NEIL3: variants seen among roughly 807,000 people sequenced by gnomAD.
The protein encoded by NEIL3 is endonuclease 8-like 3.
NEIL3 carries 48 observed loss-of-function variants against 57.5 expected under a neutral mutation model. The ratio of observed to expected loss-of-function variants is 0.83; its 90% CI spans 0.66 to 1.06. The LOEUF is 1.06. NEIL3 is among the 50% of genes least tolerant of loss of function. The pLI is 0.00. For missense variants in NEIL3, 717 were observed against 739.1 expected (o/e 0.97, Z 0.35); for synonymous variants, 261 against 253.2 (o/e 1.03, Z -0.29).
At chr4:177,337,095 A>C (rs77930164) in intron 4 of NEIL3, among the ~76,000 whole-genome samples, 3 of 135,084 alleles carry the variant, frequency 2.2e-5, no homozygotes, top group African/African-American at 8.0e-5. Context: ...ATATGTTGCA[A>C]AAAAAAAAAA....
downstream of NEIL3, among the ~76,000 whole-genome samples, chr4:177,366,146 T>TA (rs1388688018): frequency 6.6e-6 from 1 of 152,204 alleles, no homozygotes; most frequent in East Asian, 1.9e-4. Context: ...TAAAGGAATA[T>TA]AAAATTTTTT....
At chr4:177,367,608 A>G (rs1310372994), downstream of NEIL3, among the ~76,000 whole-genome samples, 3 of 152,204 alleles carry the variant, frequency 2.0e-5, no homozygotes, top group Non-Finnish European at 4.4e-5. Flanking sequence ...CAGAGCTGTC[A>G]GATTTCAGAG....
intron 7 of NEIL3, among the ~76,000 whole-genome samples, chr4:177,352,500 T>G (rs377320762): frequency 6.6e-6 from 1 of 152,116 alleles, no homozygotes; most frequent in African/African-American, 2.4e-5. Context: ...GATTCCAAAA[T>G]CCTAGGATAC....
chr4:177,352,779 G>A (rs9992350), intron 7 of NEIL3, among the ~76,000 whole-genome samples: 55,819 of 151,306 alleles, frequency 0.37, 11,204 homozygotes, highest in Middle Eastern at 0.59. Context: ...GCAGTGAGCC[G>A]AGATCGCGCC....
chr4:177,354,113 A>G (rs1024263873), intron 8 of NEIL3: 2 of 175,212 alleles, frequency 1.1e-5, no homozygotes, highest in African/African-American at 4.8e-5. Flanking sequence ...TTGGTAAGGA[A>G]GTTGAATTAC....
chr4:177,340,969 A>G (rs997958250), intron 5 of NEIL3, among the ~76,000 whole-genome samples: 4 of 152,168 alleles, frequency 2.6e-5, no homozygotes, highest in Non-Finnish European at 5.9e-5. Context: ...CTCTAAGGTT[A>G]AAAAGGAAAA....
At chr4:177,369,117 G>T in the NEIL3 span, among the ~76,000 whole-genome samples, 2 of 152,178 alleles carry the variant, frequency 1.3e-5, no homozygotes, top group Non-Finnish European at 2.9e-5. Flanking sequence ...ATACATAAAT[G>T]AGGAAGAAAT....
At chr4:177,341,428 A>C in intron 5 of NEIL3, 48 bp from the exon 6 acceptor site, 1 of 1,491,564 alleles carries the variant, frequency 6.7e-7, no homozygotes, top group Non-Finnish European at 8.9e-7. Context: ...GCTCCTTGGC[A>C]GCACTGTTTT....
In NEIL3 at chr4:177,353,393, A is replaced by T. The variant is rs202220300; in HGVS notation, c.1125A>T (p.Thr375=). The change falls in exon 8 of 10, where the codon ACA becomes ACT. Residue 375 remains threonine, a synonymous_variant. Transcript: ENST00000264596. ...GTAATACTTTTGGAAAACCTCATACAGAAGTCAAGATCAACAGAAAAACTG... is the reference window on the plus strand; with the variant it reads ...GTAATACTTTTGGAAAACCTCATACTGAAGTCAAGATCAACAGAAAAACTG... ...YPCNTFGKPH[T]EVKINRKTAF... 3.1e-6 allele frequency: 5 copies of T among 1,613,884 alleles called. No homozygotes were observed. The highest frequency in any genetic ancestry group is 3.4e-6 in the Non-Finnish European group (4 of 1,179,816).
intron 1 of NEIL3, among the ~76,000 whole-genome samples, chr4:177,310,609 C>G (rs997728743): frequency 6.6e-6 from 1 of 152,340 alleles, no homozygotes; most frequent in African/African-American, 2.4e-5. Flanking sequence ...ACTTCTCACT[C>G]AACTTCATAT....
At chr4:177,366,902 T>C (rs1735699622), downstream of NEIL3, among the ~76,000 whole-genome samples, 1 of 152,224 alleles carries the variant, frequency 6.6e-6, no homozygotes, top group South Asian at 2.1e-4. Context: ...TCACTGAATC[T>C]TTTCCGTCAT....
intron 2 of NEIL3, among the ~76,000 whole-genome samples, chr4:177,334,763 G>C (rs1003404101): frequency 6.6e-6 from 1 of 152,184 alleles, no homozygotes; most frequent in Admixed American, 6.5e-5. Context: ...TCCGCAATTA[G>C]AAGCACAGAG....
chr4:177,351,405 A>G lies in NEIL3; in HGVS notation c.895A>G (p.Ile299Val). Residue 299 changes from isoleucine (I) to valine (V), a missense_variant, in exon 7 of 10, where the codon ATC becomes GTC. By Grantham distance (29) the Ile-to-Val change is conservative (BLOSUM62 3). Transcript: ENST00000264596. ...CAAGCTACCGACTAGAAATACTATA[A>G]TCAGTTGGACATCTAGCAGGGTGGA... is the stretch of plus-strand genomic sequence containing the variant. ...ICKLPTRNTIISWTSSRVDHV... is the reference protein window; with the variant it reads ...ICKLPTRNTIVSWTSSRVDHV... 2 of 1,611,976 alleles carry G rather than the reference A, an allele frequency of 1.2e-6. No homozygotes were observed. Among genetic ancestry groups the G allele is most frequent in the Non-Finnish European group, 8.5e-7 (1 of 1,179,248 alleles).
chr4:177,362,253 T>G, intron 9 of NEIL3, 36 bp from the exon 10 acceptor site: 1 of 1,551,524 alleles, frequency 6.4e-7, no homozygotes, highest in Non-Finnish European at 8.7e-7. Context: ...TGATAACTTT[T>G]GTATAAACTT....
In NEIL3 at chr4:177,309,926, T is replaced by A; in HGVS notation, c.-28T>A. 6.3e-7 allele frequency: 1 copy of A among 1,599,676 alleles called. No homozygotes were observed. Among genetic ancestry groups the A allele is most frequent in the East Asian group, 2.3e-5 (1 of 43,552 alleles). The stretch of plus-strand genomic sequence containing the variant: ...GCGGTATTCTCACCAGGCCCTGCAA[T>A]CGGTGGGCCACAGTGCCGGCCACAG... On this transcript the variant is annotated 5_prime_UTR_variant, in exon 1 of 10. Coordinates refer to ENST00000264596, the MANE Select transcript of NEIL3 (RefSeq NM_018248.3).
intron 1 of NEIL3, among the ~76,000 whole-genome samples, chr4:177,316,685 T>C (rs1231465866): frequency 6.6e-6 from 1 of 152,098 alleles, no homozygotes; most frequent in Non-Finnish European, 1.5e-5. Flanking sequence ...ATCCCACAAA[T>C]GTGCACTGAA....
intron 1 of NEIL3, 34 bp from the exon 2 acceptor site, chr4:177,322,425 G>A (rs1734702382): frequency 6.2e-7 from 1 of 1,612,870 alleles, no homozygotes; most frequent in African/African-American, 1.3e-5. Flanking sequence ...TTGTGTGTGT[G>A]TGTGCTTATG....
chr4:177,350,931 A>G (rs1188874316), intron 6 of NEIL3, among the ~76,000 whole-genome samples: 2 of 152,078 alleles, frequency 1.3e-5, no homozygotes, highest in African/African-American at 2.4e-5. Context: ...TACTCTGGCC[A>G]GGTGCAGTGG....
At chr4:177,333,870 AC>A (rs5864443) in intron 2 of NEIL3, among the ~76,000 whole-genome samples, 10,519 of 152,182 alleles carry the variant, frequency 0.069, 539 homozygotes, top group East Asian at 0.28. Flanking sequence ...TATCAAAGGC[AC>A]AGGATCTGAG....
Sources: allele counts gnomAD v4.1 joint callset (sites outside exome capture counted in the v4.1 genomes callset), GRCh38; gene constraint gnomAD v4.1.1; transcripts MANE v1.5; gene names NCBI Gene and HGNC (gene_info 2026-07-23, HGNC 2026-07-21).